CNTNAP2: variants seen among roughly 807,000 people sequenced by gnomAD.
The protein encoded by CNTNAP2 is contactin-associated protein-like 2.
In CNTNAP2, 98 loss-of-function variants were observed where a neutral mutation model predicts 155.2. The ratio of observed to expected loss-of-function variants is 0.63; its 90% CI spans 0.54 to 0.75. CNTNAP2 has a LOEUF of 0.75. CNTNAP2 is among the 30% of genes least tolerant of loss of function. The pLI, the probability that CNTNAP2 is intolerant of heterozygous loss-of-function variation, is 0.00. For synonymous variants in CNTNAP2, 651 were observed against 631.2 expected (o/e 1.03, Z -0.47); for missense variants, 1,727 against 1,688.1 (o/e 1.02, Z -0.40).
intron 4 of CNTNAP2, among the ~76,000 whole-genome samples, chr7:147,083,679 A>G (rs1213304118): frequency 6.9e-6 from 1 of 145,054 alleles, no homozygotes; most frequent in East Asian, 2.0e-4. Flanking sequence ...AATACATATT[A>G]TATATGATAC....
At chr7:147,551,438 G>A (rs533791984) in intron 11 of CNTNAP2, among the ~76,000 whole-genome samples, 2 of 152,178 alleles carry the variant, frequency 1.3e-5, no homozygotes, top group East Asian at 3.9e-4. Context: ...TCTACTGAAG[G>A]GGCTTACTTT....
chr7:147,343,039 C>A (rs1340727734), intron 9 of CNTNAP2, among the ~76,000 whole-genome samples: 1 of 151,922 alleles, frequency 6.6e-6, no homozygotes, highest in East Asian at 1.9e-4. Flanking sequence ...TTGATTTTCC[C>A]ATTGATTACT....
At chr7:147,777,560 C>T (rs1251796021) in intron 13 of CNTNAP2, among the ~76,000 whole-genome samples, 6 of 152,110 alleles carry the variant, frequency 3.9e-5, no homozygotes. Flanking sequence ...GGCCCTGCTC[C>T]CCTTCCCTCT....
At chr7:147,759,367 T>C (rs2116516014) in intron 13 of CNTNAP2, among the ~76,000 whole-genome samples, 1 of 152,180 alleles carries the variant, frequency 6.6e-6, no homozygotes, top group East Asian at 1.9e-4. Flanking sequence ...ACATTCTGAA[T>C]AAAACAAGGG....
chr7:147,082,341 T>C (rs566564631), intron 4 of CNTNAP2, among the ~76,000 whole-genome samples: 27 of 152,320 alleles, frequency 1.8e-4, no homozygotes, highest in African/African-American at 5.5e-4. Context: ...TGAGATTCAC[T>C]TTTTTGTTTA....
In CNTNAP2 at chr7:146,983,146, C is replaced by T. The variant is rs534900855; in HGVS notation, c.403-60761C>T. Among the ~76,000 whole-genome samples, 9 of 152,248 alleles carry T rather than the reference C, an allele frequency of 5.9e-5. No individual in the cohort carries two copies. In the South Asian group the frequency reaches 1.2e-3, roughly 21 times the overall value. ...CAACCATCTATGCCAACCTTCTAGA[C>T]TGCAATTATTAATTAATCATTTCTG... On this transcript the variant is annotated intron_variant, in intron 3 of 23. Transcript: ENST00000361727.
intron 2 of CNTNAP2, 44 bp from the exon 3 acceptor site, chr7:146,839,667 A>G (rs1282002385): frequency 5.6e-6 from 9 of 1,604,150 alleles, no homozygotes; most frequent in South Asian, 1.1e-5. Context: ...TACAAGTTCA[A>G]ATTTAAATAT....
chr7:146,344,303 C>T (rs1228292908), intron 1 of CNTNAP2, among the ~76,000 whole-genome samples: 1 of 152,066 alleles, frequency 6.6e-6, no homozygotes, highest in East Asian at 1.9e-4. Flanking sequence ...CCTCTTATGA[C>T]AAGTTTTTGT....
intron 13 of CNTNAP2, among the ~76,000 whole-genome samples, chr7:147,643,835 C>T (rs910012062): frequency 6.6e-6 from 1 of 152,032 alleles, no homozygotes; most frequent in African/African-American, 2.4e-5. Context: ...TCATATGGAC[C>T]TCATTTTTAT....
intron 3 of CNTNAP2, among the ~76,000 whole-genome samples, chr7:146,841,361 G>A (rs557256886): frequency 1.4e-5 from 2 of 144,708 alleles, no homozygotes; most frequent in South Asian, 2.4e-4. Flanking sequence ...AGACGGAGGA[G>A]TAAGGGGGTT....
At chr7:148,092,401 G>GA (rs1346335068) in intron 15 of CNTNAP2, among the ~76,000 whole-genome samples, 3 of 152,068 alleles carry the variant, frequency 2.0e-5, no homozygotes, top group Non-Finnish European at 4.4e-5. Context: ...AAGCTTCCCT[G>GA]AAAAAATGGA....
At chr7:146,264,634 C>A (rs1050299441) in intron 1 of CNTNAP2, among the ~76,000 whole-genome samples, 9 of 151,938 alleles carry the variant, frequency 5.9e-5, no homozygotes, top group African/African-American at 1.9e-4. Context: ...AGAAATAGCA[C>A]GTGGGGTTAT....
At chr7:148,342,613 A>G (rs923229317) in intron 21 of CNTNAP2, among the ~76,000 whole-genome samples, 1 of 152,216 alleles carries the variant, frequency 6.6e-6, no homozygotes, top group Admixed American at 6.5e-5. Context: ...ATTTTTTAAT[A>G]CTGCTAGCTC....
At chr7:148,318,948 A>G (rs901933980) in intron 21 of CNTNAP2, among the ~76,000 whole-genome samples, 1 of 152,270 alleles carries the variant, frequency 6.6e-6, no homozygotes, top group African/African-American at 2.4e-5. Flanking sequence ...TTTCAAAGTT[A>G]TCAGTAATCA....
intron 10 of CNTNAP2, among the ~76,000 whole-genome samples, chr7:147,476,424 A>C (rs1470934082): frequency 6.6e-6 from 1 of 151,382 alleles, no homozygotes; most frequent in Middle Eastern, 3.2e-3. Flanking sequence ...TTTTATATCA[A>C]TTTTAGATTT....
intron 1 of CNTNAP2, among the ~76,000 whole-genome samples, chr7:146,444,652 C>A (rs1004067256): frequency 1.3e-5 from 2 of 148,800 alleles, no homozygotes; most frequent in African/African-American, 5.2e-5. Context: ...ATCCATAGAT[C>A]CTCTCTCTCT....
At chr7:147,476,184 C>T (rs891979590) in intron 10 of CNTNAP2, among the ~76,000 whole-genome samples, 9 of 152,096 alleles carry the variant, frequency 5.9e-5, no homozygotes, top group Admixed American at 2.0e-4. Flanking sequence ...CGGCTCACTG[C>T]AATCTCCTCC....
intron 1 of CNTNAP2, among the ~76,000 whole-genome samples, chr7:146,772,283 C>T (rs1023965518): frequency 1.3e-5 from 2 of 152,020 alleles, no homozygotes; most frequent in Admixed American, 6.6e-5. Context: ...GCAAAGGTCA[C>T]ATTGAGCAGA....
chr7:146,905,501 T>C (rs895621443), intron 3 of CNTNAP2, among the ~76,000 whole-genome samples: 3 of 152,202 alleles, frequency 2.0e-5, no homozygotes, highest in Non-Finnish European at 2.9e-5. Flanking sequence ...AATTCTTTGA[T>C]CAGAGTTGCC....
Sources: allele counts gnomAD v4.1 joint callset (sites outside exome capture counted in the v4.1 genomes callset), GRCh38; gene constraint gnomAD v4.1.1; transcripts MANE v1.5; gene names NCBI Gene and HGNC (gene_info 2026-07-23, HGNC 2026-07-21).